RBFOX1: variants seen among roughly 807,000 people sequenced by gnomAD.
RBFOX1 encodes the protein RNA binding fox-1 homolog 1, also known as RNA binding protein fox-1 homolog 1.
In RBFOX1, 8 loss-of-function variants were observed where a neutral mutation model predicts 57.7. That is an observed-to-expected ratio of 0.14 (90% confidence interval 0.08 to 0.25). The LOEUF is 0.25. RBFOX1 is among the 10% of genes least tolerant of loss of function. The pLI is 1.00. For synonymous variants in RBFOX1, 326 were observed against 222.4 expected (o/e 1.47, Z -4.15); for missense variants, 611 against 548.5 (o/e 1.11, Z -1.14).
At position 5,778,141 on chromosome 16, in the gene RBFOX1, A is replaced by T. The variant is rs575564670; in HGVS notation, c.319-89162A>T. On this transcript the variant is annotated intron_variant, in intron 3 of 19. Transcript: ENST00000641259. Reference sequence around the variant, plus strand: ...TCCCTTCCATGTGAGATAAAAGAGGAGAAGTGTCTGTAGAAGGATAAATTG... The same window carrying T: ...TCCCTTCCATGTGAGATAAAAGAGGTGAAGTGTCTGTAGAAGGATAAATTG... 5.9e-5 allele frequency among the ~76,000 whole-genome samples: 9 copies of T among 152,204 alleles called. No individual in the cohort carries two copies. In the East Asian group the frequency reaches 1.7e-3, roughly 29 times the overall value.
chr16:5,493,111 T>C (rs2042888082), intron 2 of RBFOX1, among the ~76,000 whole-genome samples: 1 of 152,282 alleles, frequency 6.6e-6, no homozygotes. Flanking sequence ...TGGCAGAGAC[T>C]GTATAGCCCT....
At chr16:6,938,095 C>T (rs2077679821) in intron 3 of RBFOX1, among the ~76,000 whole-genome samples, 1 of 151,960 alleles carries the variant, frequency 6.6e-6, no homozygotes, top group Non-Finnish European at 1.5e-5. Context: ...GAAGAAACTG[C>T]AATCACATAC....
chr16:6,819,967 G>C (rs181286127), intron 3 of RBFOX1, among the ~76,000 whole-genome samples: 2 of 152,166 alleles, frequency 1.3e-5, no homozygotes, highest in Admixed American at 6.5e-5. Flanking sequence ...TCATCCTCTG[G>C]CTGTGTCCCC....
chr16:5,593,773 C>G (rs942523873), intron 2 of RBFOX1, among the ~76,000 whole-genome samples: 2 of 152,194 alleles, frequency 1.3e-5, no homozygotes, highest in Non-Finnish European at 2.9e-5. Flanking sequence ...AGTGGCCATT[C>G]TTTTATTCCT....
At chr16:6,883,670 C>G (rs2063394074) in intron 3 of RBFOX1, among the ~76,000 whole-genome samples, 1 of 152,130 alleles carries the variant, frequency 6.6e-6, no homozygotes, top group Admixed American at 6.5e-5. Flanking sequence ...GTATTGAAAC[C>G]TTGCCTCCCA....
intron 3 of RBFOX1, among the ~76,000 whole-genome samples, chr16:5,721,074 A>C (rs888595999): frequency 9.2e-5 from 14 of 152,098 alleles, no homozygotes; most frequent in African/African-American, 3.4e-4. Context: ...TTTTATTTTC[A>C]TTTATTTAGG....
At chr16:6,139,468 C>T (rs1394514427) in intron 1 of RBFOX1, among the ~76,000 whole-genome samples, 1 of 152,150 alleles carries the variant, frequency 6.6e-6, no homozygotes, top group Non-Finnish European at 1.5e-5. Flanking sequence ...GCCCATTCAG[C>T]ACAGTTCAGC....
chr16:6,923,682 C>G (rs937740995), intron 3 of RBFOX1, among the ~76,000 whole-genome samples: 6 of 152,148 alleles, frequency 3.9e-5, no homozygotes, highest in Non-Finnish European at 8.8e-5. Flanking sequence ...TTACTCTTTA[C>G]CCCTTGACTG....
chr16:5,428,221 T>C (rs2067623921), intron 1 of RBFOX1, among the ~76,000 whole-genome samples: 1 of 152,136 alleles, frequency 6.6e-6, no homozygotes, highest in African/African-American at 2.4e-5. Flanking sequence ...ATGGCAGAAA[T>C]GTACCCCAGG....
intron 4 of RBFOX1, among the ~76,000 whole-genome samples, chr16:7,400,673 C>T (rs1597472260): frequency 6.6e-6 from 1 of 152,180 alleles, no homozygotes; most frequent in Non-Finnish European, 1.5e-5. Context: ...AGGTTTTCCA[C>T]TTGGATGATG....
Position 5,488,054 on chromosome 16 carries a change from G to T in RBFOX1, c.258+20800G>T, listed in dbSNP as rs1270565662. ...GGTGCTGGTGGTGATGATGATGGTG[G>T]TGAGGTGTGATGGTGATGATAATGG... On this transcript the variant is annotated intron_variant, in intron 2 of 2. Transcript: ENST00000585867. Among the ~76,000 whole-genome samples the T allele has an allele frequency of 2.0e-5, 3 of 151,864 alleles. No individual in the cohort carries two copies. The South Asian group carries it at 6.3e-4, about 32-fold the overall frequency.
intron 4 of RBFOX1, among the ~76,000 whole-genome samples, chr16:7,089,868 C>T (rs538243144): frequency 1.3e-5 from 2 of 151,086 alleles, no homozygotes; most frequent in South Asian, 2.1e-4. Context: ...TTCCTGTGCT[C>T]AAGTATTCTG....
chr16:5,831,522 C>T (rs546596299), intron 3 of RBFOX1, among the ~76,000 whole-genome samples: 8 of 132,206 alleles, frequency 6.1e-5, no homozygotes, highest in East Asian at 2.1e-4. Flanking sequence ...GATGGAGTTT[C>T]GCTCTTGTCC....
chr16:6,463,955 C>G (rs2094980799), intron 2 of RBFOX1, among the ~76,000 whole-genome samples: 1 of 151,978 alleles, frequency 6.6e-6, no homozygotes, highest in African/African-American at 2.4e-5. Context: ...AGGAGAGCCA[C>G]TAAGAAAAAA....
chr16:7,216,431 G>A (rs2092058847), intron 4 of RBFOX1, among the ~76,000 whole-genome samples: 1 of 152,178 alleles, frequency 6.6e-6, no homozygotes, highest in Non-Finnish European at 1.5e-5. Flanking sequence ...GAGGGAGGAG[G>A]ATTGCTTGAG....
chr16:5,628,131 T>C (rs1042808712), intron 3 of RBFOX1, among the ~76,000 whole-genome samples: 9 of 152,214 alleles, frequency 5.9e-5, no homozygotes, highest in Non-Finnish European at 4.4e-5. Context: ...GTTAGAGTTT[T>C]GGTGCTGGCT....
At chr16:7,307,758 A>G (rs1296142154) in intron 4 of RBFOX1, among the ~76,000 whole-genome samples, 1 of 152,198 alleles carries the variant, frequency 6.6e-6, no homozygotes, top group East Asian at 1.9e-4. Flanking sequence ...ACATATACAC[A>G]CACACCTAGT....
intron 3 of RBFOX1, among the ~76,000 whole-genome samples, chr16:6,914,405 AGAG>A (rs1001819865): frequency 6.6e-6 from 1 of 152,172 alleles, no homozygotes; most frequent in African/African-American, 2.4e-5. Context: ...ACAAGTTAAA[AGAG>A]GAAGAGAGAA....
At chr16:6,370,768 C>T (rs992367768) in intron 2 of RBFOX1, among the ~76,000 whole-genome samples, 5 of 152,118 alleles carry the variant, frequency 3.3e-5, no homozygotes, top group African/African-American at 7.2e-5. Flanking sequence ...ATAATAGTTG[C>T]ACAAGAATGC....
Sources: gnomAD v4.1 joint callset for allele counts (sites outside exome capture counted in the v4.1 genomes callset) on GRCh38, gnomAD v4.1.1 for gene constraint, MANE v1.5 for transcripts, NCBI Gene and HGNC (gene_info 2026-07-23, HGNC 2026-07-21) for gene names.